The following PI4KA variants were observed in gnomAD, a reference collection of about 807,000 sequenced individuals.
PI4KA encodes the protein PI4-kinase alpha.
PI4KA carries 122 observed loss-of-function variants against 271.4 expected under a neutral mutation model. The observed-to-expected ratio is 0.45, with a 90% CI of 0.39 to 0.52. PI4KA has a LOEUF of 0.52. Ranked by LOEUF, PI4KA falls within the 20% of genes least tolerant of loss-of-function variation. The pLI is 0.00. For missense variants in PI4KA, 1,969 were observed against 2,769.1 expected (o/e 0.71, Z 6.48); for synonymous variants, 1,041 against 1,078.8 (o/e 0.96, Z 0.69).
intron 1 of PI4KA, among the ~76,000 whole-genome samples, chr22:20,855,632 T>C (rs1460779779): frequency 6.6e-6 from 1 of 152,162 alleles, no homozygotes; most frequent in East Asian, 1.9e-4. Flanking sequence ...TTATGTTCTC[T>C]CCCTCCTGTG....
At chr22:20,797,611 C>T (rs145534708) in intron 17 of PI4KA, among the ~76,000 whole-genome samples, 32 of 152,272 alleles carry the variant, frequency 2.1e-4, no homozygotes, top group Middle Eastern at 3.4e-3. Flanking sequence ...AGTATCGATG[C>T]GAGAGACAGC....
intron 1 of PI4KA, among the ~76,000 whole-genome samples, chr22:20,846,317 C>A (rs1453938932): frequency 1.2e-4 from 18 of 144,978 alleles, no homozygotes; most frequent in African/African-American, 4.6e-4. Context: ...TGTATTTCTA[C>A]AACGCAGCAA....
At chr22:20,808,622 C>T (rs1318743438) in intron 9 of PI4KA, among the ~76,000 whole-genome samples, 2 of 150,218 alleles carry the variant, frequency 1.3e-5, no homozygotes, top group East Asian at 3.9e-4. Context: ...CAGTCCTTAA[C>T]TTCTATATAC....
At chr22:20,771,258 C>T (rs975053986) in intron 19 of PI4KA, among the ~76,000 whole-genome samples, 1 of 151,974 alleles carries the variant, frequency 6.6e-6, no homozygotes, top group African/African-American at 2.4e-5. Flanking sequence ...CCCGTCTCTA[C>T]TAAAAATACA....
At position 20,751,440 on chromosome 22, in the gene PI4KA, T is replaced by C. The variant is rs913056278; in HGVS notation, c.3070-64A>G. The C allele has an allele frequency of 4.3e-6, 6 of 1,383,174 alleles. No individual in the cohort carries two copies. In the Admixed American group the frequency reaches 7.0e-5, roughly 16 times the overall value. 85.7% of individuals were successfully genotyped at this position (1,383,174 alleles called of 1,614,324 possible). A position where few individuals can be genotyped will look rare whatever the true frequency, so the allele number is the denominator to read the frequency against. On this transcript the variant is annotated intron_variant, in intron 26 of 54. Transcript: ENST00000255882. ...CCCCAAGTTGCCACTAGCAACCACA[T>C]GGGCCACCCCTACCCACCACCTGTC... is the stretch of plus-strand genomic sequence containing the variant.
At position 20,718,721 on chromosome 22, in the gene PI4KA, T is replaced by C. The variant is rs768764961; in HGVS notation, c.5218A>G (p.Lys1740Glu). The part of the protein sequence containing the change: ...FYQREFDFFN[K>E]ITNVSAIIKP... ...ATGATAGCCGACACGTTGGTGATCT[T>C]GTTAAAGAAATCAAACTCCCGCTGG... Residue 1740 changes from lysine to glutamate, a missense_variant, in exon 44 of 55, where the codon AAG becomes GAG. Around this residue, in one of 13 missense-constraint regions of PI4KA, gnomAD observed 388 missense variants for 521.5 expected, o/e 0.74. Transcript: ENST00000255882. The C allele has an allele frequency of 6.2e-7, 1 of 1,613,780 alleles. No homozygotes were observed.
chr22:20,733,916 C>T (rs1415927869), intron 34 of PI4KA, 73 bp from the exon 35 acceptor site: 2 of 1,599,090 alleles, frequency 1.3e-6, no homozygotes, highest in East Asian at 2.2e-5. Context: ...GGACTCTCTT[C>T]CCTGCCCTTC....
At chr22:20,721,827 A>C in intron 42 of PI4KA, 1 of 181,732 alleles carries the variant, frequency 5.5e-6, no homozygotes, top group Non-Finnish European at 1.2e-5. Context: ...ATGCAGAGAT[A>C]CCTCCTTCAC....
intron 18 of PI4KA, 129 bp from the exon 19 acceptor site, chr22:20,793,372 T>TGCAGAGAGAG (rs1278076143): frequency 1.7e-6 from 1 of 597,306 alleles, no homozygotes; most frequent in African/African-American, 1.9e-5. Context: ...ATGAGAGATA[T>TGCAGAGAGAG]GCAGAGAGAG....
At chr22:20,735,109 C>T (rs1210809475) in intron 32 of PI4KA, among the ~76,000 whole-genome samples, 1 of 151,568 alleles carries the variant, frequency 6.6e-6, no homozygotes. Flanking sequence ...TCCCATGGCC[C>T]AGTCATGCTC....
intron 2 of PI4KA, among the ~76,000 whole-genome samples, chr22:20,837,012 T>C (rs1924950727): frequency 6.6e-6 from 1 of 152,230 alleles, no homozygotes; most frequent in Non-Finnish European, 1.5e-5. Context: ...AAATTATTTT[T>C]TGCCCTTTAT....
intron 7 of PI4KA, among the ~76,000 whole-genome samples, chr22:20,814,475 C>T (rs1348259980): frequency 6.6e-6 from 1 of 152,162 alleles, no homozygotes; most frequent in Non-Finnish European, 1.5e-5. Flanking sequence ...TAAGGCCAAG[C>T]ATGGTGGCTC....
chr22:20,743,174 C>T (rs924148147), intron 30 of PI4KA, among the ~76,000 whole-genome samples: 4 of 152,218 alleles, frequency 2.6e-5, no homozygotes, highest in African/African-American at 4.8e-5. Flanking sequence ...GAGAGGGAGT[C>T]TCGCTCTGAT....
At chr22:20,848,883 T>C (rs2072003451) in intron 1 of PI4KA, among the ~76,000 whole-genome samples, 1 of 151,930 alleles carries the variant, frequency 6.6e-6, no homozygotes, top group East Asian at 1.9e-4. Context: ...AAGAACACCA[T>C]GAAGAAAGTG....
intron 3 of PI4KA, among the ~76,000 whole-genome samples, chr22:20,825,825 T>C (rs1923337897): frequency 6.6e-6 from 1 of 152,176 alleles, no homozygotes; most frequent in Non-Finnish European, 1.5e-5. Flanking sequence ...GATTATTTCA[T>C]CATCCCCGTA....
intron 50 of PI4KA, among the ~76,000 whole-genome samples, chr22:20,711,995 G>C (rs902175958): frequency 7.2e-5 from 11 of 151,870 alleles, no homozygotes; most frequent in Non-Finnish European, 1.5e-4. Context: ...TGCCCATCTT[G>C]GCCTCCCAAA....
At position 20,765,625 on chromosome 22, in the gene PI4KA, C is replaced by A; in HGVS notation, c.2397G>T (p.Trp799Cys). Reference sequence around the variant, plus strand: ...CGAATCCCATCAGAACGGAATACAGCCAGAAGTCTCGGAAGAGCTTCTGTA... The same window carrying A: ...CGAATCCCATCAGAACGGAATACAGACAGAAGTCTCGGAAGAGCTTCTGTA... ...PRLQKLFRDF[W>C]LYSVLMGFAV... The change falls in exon 20 of 55, where the codon TGG (tryptophan) becomes TGT (cysteine). Residue 799 changes from tryptophan to cysteine, a missense_variant. Trp to Cys is a radical substitution (Grantham distance 215, BLOSUM62 -2). This residue lies in a region of PI4KA where 368 missense variants were observed against 544.3 expected (regional missense o/e 0.68). Transcript: ENST00000255882. 1 of 1,611,424 alleles carries A rather than the reference C, an allele frequency of 6.2e-7. No individual in the cohort carries two copies. The highest frequency in any genetic ancestry group is 8.5e-7 in the Non-Finnish European group (1 of 1,177,672).
intron 28 of PI4KA, among the ~76,000 whole-genome samples, chr22:20,748,861 G>C (rs1161712212): frequency 6.6e-6 from 1 of 152,148 alleles, no homozygotes; most frequent in African/African-American, 2.4e-5. Context: ...GGAAGGCTGA[G>C]GCTGGGCACG....
At position 20,858,794 on chromosome 22, in the gene PI4KA, G is replaced by C; in HGVS notation, c.-69C>G. 1.5e-6 allele frequency: 2 copies of C among 1,362,708 alleles called. No homozygotes were observed. The highest frequency in any genetic ancestry group is 9.5e-7 in the Non-Finnish European group (1 of 1,055,396). The allele number at this position is 1,362,708 out of a possible 1,614,324, so 84.4% of individuals were successfully genotyped here. The stretch of plus-strand genomic sequence containing the variant: ...GCCCGCGAGCGCCCGACCTCAGGGC[G>C]CAGGCGTAGGTGCATCCGGCTTTCC... On this transcript the variant is annotated 5_prime_UTR_variant, in exon 1 of 55. Transcript: ENST00000255882.
Sources: allele counts gnomAD v4.1 joint callset (sites outside exome capture counted in the v4.1 genomes callset), GRCh38; gene constraint gnomAD v4.1.1; regional missense constraint gnomAD v4.1.1; transcripts MANE v1.5; gene names NCBI Gene and HGNC (gene_info 2026-07-23, HGNC 2026-07-21).